Variants in IFI16 observed in about 807,000 individuals in gnomAD.
The protein encoded by IFI16 is interferon gamma inducible protein 16.
IFI16 carries 49 observed loss-of-function variants against 68.4 expected under a neutral mutation model. That is an observed-to-expected ratio of 0.72 (90% CI 0.57 to 0.91). The LOEUF is 0.91. Among genes scored for constraint, IFI16 ranks in the 40% least tolerant of loss-of-function variants. The probability of loss-of-function intolerance (pLI) is 0.00; values close to 1 mark genes in which losing one functional copy is unlikely to be tolerated. For missense variants in IFI16, 878 were observed against 942.9 expected, an observed-to-expected ratio of 0.93 and a Z score of 0.90; for synonymous variants, 307 against 315.0, an observed-to-expected ratio of 0.97 and a Z score of 0.27.
Position 159,018,407 on chromosome 1 carries a change from A to G in IFI16, c.728A>G (p.Lys243Arg), listed in dbSNP as rs1341368978. The G allele has an allele frequency of 1.2e-6, 2 of 1,614,144 alleles. No homozygotes were observed. Among genetic ancestry groups the G allele is most frequent in the Non-Finnish European group, 8.5e-7 (1 of 1,179,948 alleles). The change falls in exon 5 of 12, where the codon AAG (lysine) becomes AGG (arginine). Residue 243 changes from lysine (K) to arginine (R), a missense_variant. By Grantham distance (26) the Lys-to-Arg change is conservative. Coordinates refer to ENST00000295809, the MANE Select transcript of IFI16 (RefSeq NM_001376587.1). ...ACACAGACACAGTTCTTCCATGTGA[A>G]GGTTTTAAACACCAGCTTGAAGGAG... ...VATQTQFFHV[K>R]VLNTSLKEKF...
In IFI16 at chr1:159,018,246, C is replaced by G. The variant is rs754632684; in HGVS notation, c.567C>G (p.Ala189=). 5 of 1,613,424 alleles carry G rather than the reference C, an allele frequency of 3.1e-6. No individual in the cohort carries two copies. In the South Asian group the frequency reaches 5.5e-5, roughly 18 times the overall value. ...SSSTENPKTV[A]KCQVTPRRNV... ...ATACACAGAACCCGAAAACAGTGGC[C>G]AAATGTCAGGTAACTCCCAGAAGAA... Residue 189 remains alanine (A), a synonymous_variant, in exon 5 of 12, where the codon GCC becomes GCG. Coordinates refer to ENST00000295809, the MANE Select transcript of IFI16 (RefSeq NM_001376587.1).
chr1:159,047,124 C>CT lies in IFI16; in HGVS notation c.1497+1661dup, dbSNP rs572284832. The stretch of plus-strand genomic sequence containing the variant: ...ACGGCAACTTGAGGGATAGGGAACA[C>CT]TAAGATTTACATTACTATTCTCCAA... On this transcript the variant is annotated intron_variant, in intron 8 of 11. Coordinates refer to ENST00000295809, the MANE Select transcript of IFI16 (RefSeq NM_001376587.1). 1.8e-3 allele frequency among the ~76,000 whole-genome samples: 275 copies of CT among 151,190 alleles called. 7 individuals are homozygous for CT. Among genetic ancestry groups the CT allele is most frequent in the African/African-American group, 6.1e-3 (251 of 41,348 alleles).
At chr1:159,016,087 T>G in intron 3 of IFI16, 100 bp downstream of exon 3, 1 of 745,002 alleles carries the variant, frequency 1.3e-6, no homozygotes, top group South Asian at 1.7e-5. Flanking sequence ...TTCTTCATGT[T>G]TCCCATCAAG....
Position 159,032,583 on chromosome 1 carries a change from A to T in IFI16, c.1221A>T (p.Glu407Asp). The change falls in exon 7 of 12, where the codon GAA becomes GAT. Residue 407 changes from glutamate (E) to aspartate (D), a missense_variant. By Grantham distance (45) the Glu-to-Asp change is conservative. This residue lies in a region of IFI16 where 443 missense variants were observed against 421.8 expected (regional missense o/e 1.05). Coordinates refer to ENST00000295809, the MANE Select transcript of IFI16 (RefSeq NM_001376587.1). ...CCAAGAGCATGAAGCTACCCCAGGAACAGCGTCAGCTTCCATATCCTTCAG... is the reference window on the plus strand; with the variant it reads ...CCAAGAGCATGAAGCTACCCCAGGATCAGCGTCAGCTTCCATATCCTTCAG... ...NDPKSMKLPQ[E>D]QRQLPYPSEA... The T allele has an allele frequency of 1.2e-6, 2 of 1,612,582 alleles. No homozygotes were observed. The highest frequency in any genetic ancestry group is 1.3e-5 in the African/African-American group (1 of 74,966).
intron 7 of IFI16, among the ~76,000 whole-genome samples, chr1:159,035,900 C>G (rs1168349327): frequency 1.3e-5 from 2 of 152,120 alleles, no homozygotes; most frequent in Non-Finnish European, 2.9e-5. Context: ...TTACATTTCT[C>G]TCATCTAAAT....
intron 6 of IFI16, among the ~76,000 whole-genome samples, chr1:159,028,649 G>C (rs1033921774): frequency 3.3e-5 from 5 of 152,112 alleles, no homozygotes; most frequent in Non-Finnish European, 1.5e-5. Context: ...GTTGCCATCT[G>C]TCTTATTTCT....
intron 6 of IFI16, among the ~76,000 whole-genome samples, chr1:159,028,922 G>A (rs1262435083): frequency 1.3e-5 from 2 of 152,058 alleles, no homozygotes; most frequent in African/African-American, 4.8e-5. Context: ...ACACTTGGTT[G>A]GTGAATTCTT....
upstream of IFI16, among the ~76,000 whole-genome samples, chr1:159,003,314 G>A (rs1283030462): frequency 6.6e-6 from 1 of 152,192 alleles, no homozygotes; most frequent in Non-Finnish European, 1.5e-5. Flanking sequence ...AATTTAACTG[G>A]TGAATCCAGT....
At chr1:159,022,810 G>A (rs1290557785) in intron 6 of IFI16, among the ~76,000 whole-genome samples, 2 of 152,186 alleles carry the variant, frequency 1.3e-5, no homozygotes, top group Non-Finnish European at 2.9e-5. Flanking sequence ...GCTTTTAAGA[G>A]AAGTTACTAT....
chr1:159,026,053 C>T (rs562837514), intron 6 of IFI16, among the ~76,000 whole-genome samples: 2 of 152,230 alleles, frequency 1.3e-5, no homozygotes, highest in South Asian at 4.1e-4. Context: ...TACCCAGAAC[C>T]ATGCTATTTT....
intron 1 of IFI16, 43 bp from the exon 2 acceptor site, chr1:159,014,614 TTGTC>T: frequency 1.6e-6 from 2 of 1,270,374 alleles, no homozygotes; most frequent in Non-Finnish European, 2.2e-6. Flanking sequence ...ATCTTTTAAA[TTGTC>T]TGTATACATG....
intron 7 of IFI16, among the ~76,000 whole-genome samples, chr1:159,036,712 T>C (rs1486717876): frequency 6.6e-6 from 1 of 152,220 alleles, no homozygotes; most frequent in East Asian, 1.9e-4. Flanking sequence ...ATGTTTTACA[T>C]TGCCACGTTA....
Position 159,014,831 on chromosome 1 carries a change from TTGA to T in IFI16, c.154_156del (p.Met52del). Reference sequence around the variant, plus strand: ...GTATGACAAAATTCAGATTGCTGACTTGATGGAAGAAAAGTTCCGAGGTGATGC... The same window carrying T: ...GTATGACAAAATTCAGATTGCTGACTTGGAAGAAAAGTTCCGAGGTGATGC... On this transcript the variant is annotated inframe_deletion, in exon 2 of 12. Transcript: ENST00000295809. The T allele has an allele frequency of 6.2e-7, 1 of 1,614,122 alleles. No individual in the cohort carries two copies. The highest frequency in any genetic ancestry group is 8.5e-7 in the Non-Finnish European group (1 of 1,179,978).
intron 6 of IFI16, among the ~76,000 whole-genome samples, chr1:159,030,012 A>G (rs67772786): frequency 0.28 from 42,914 of 151,810 alleles, 8,146 homozygotes; most frequent in African/African-American, 0.54. Context: ...ATTTTTCTTC[A>G]TCTTTGTCAG....
chr1:159,026,506 C>G (rs1267624102), intron 6 of IFI16, among the ~76,000 whole-genome samples: 1 of 152,028 alleles, frequency 6.6e-6, no homozygotes, highest in Non-Finnish European at 1.5e-5. Flanking sequence ...ACCGTGCTGG[C>G]CAGGCTGGTC....
intron 1 of IFI16, among the ~76,000 whole-genome samples, chr1:159,010,597 G>A (rs1443231217): frequency 6.6e-6 from 1 of 152,168 alleles, no homozygotes; most frequent in East Asian, 1.9e-4. Context: ...TGTATTATAT[G>A]ACATCATCCC....
chr1:159,004,385 A>G (rs903843910), upstream of IFI16, among the ~76,000 whole-genome samples: 2 of 152,026 alleles, frequency 1.3e-5, no homozygotes, highest in African/African-American at 4.8e-5. Flanking sequence ...TGAGTAAATT[A>G]TAGATGTTAG....
intron 1 of IFI16, among the ~76,000 whole-genome samples, chr1:159,011,478 T>C (rs1305207209): frequency 6.6e-5 from 10 of 152,064 alleles, no homozygotes. Flanking sequence ...AATATATGTA[T>C]ATATAATCAT....
chr1:159,047,038 C>T (rs1311469314), intron 8 of IFI16, among the ~76,000 whole-genome samples: 6 of 151,166 alleles, frequency 4.0e-5, no homozygotes, highest in South Asian at 2.1e-4. Flanking sequence ...CAATCCAGCG[C>T]TATGGGGCCT....
Sources: gnomAD v4.1 joint callset for allele counts (sites outside exome capture counted in the v4.1 genomes callset) on GRCh38, gnomAD v4.1.1 for gene constraint, gnomAD v4.1.1 regional missense constraint, MANE v1.5 for transcripts, NCBI Gene and HGNC (gene_info 2026-07-23, HGNC 2026-07-21) for gene names.